Variants in CTNNA2 observed in about 807,000 individuals in gnomAD.
CTNNA2 encodes catenin alpha 2, also known as catenin alpha-2.
Under a neutral mutation model 101.0 loss-of-function variants are expected in CTNNA2, and 42 were observed. That is an observed-to-expected ratio of 0.42 (90% CI 0.32 to 0.54). The LOEUF (loss-of-function observed/expected upper bound fraction) is 0.54, where lower values mean the gene tolerates loss of function less well. CTNNA2 is among the 20% of genes least tolerant of loss of function. The pLI is 0.14. For missense variants in CTNNA2, 871 were observed against 1,223.1 expected, an observed-to-expected ratio of 0.71 and a Z score of 4.29; for synonymous variants, 450 against 456.4, an observed-to-expected ratio of 0.99 and a Z score of 0.18.
chr2:79,485,211 T>C (rs1226377008), intron 4 of CTNNA2, among the ~76,000 whole-genome samples: 3 of 148,602 alleles, frequency 2.0e-5, no homozygotes, highest in African/African-American at 7.4e-5. Context: ...AGGAATGCTT[T>C]TATACTAAGT....
At chr2:79,505,262 A>AT (rs1285432166) in intron 5 of CTNNA2, 1 of 151,796 alleles carries the variant, frequency 6.6e-6, no homozygotes, top group Non-Finnish European at 1.5e-5. Context: ...GGTTTTTTTC[A>AT]TTTTTTCTTC....
chr2:79,435,121 A>C (rs1484262307), intron 4 of CTNNA2, among the ~76,000 whole-genome samples: 3 of 152,100 alleles, frequency 2.0e-5, no homozygotes, highest in Admixed American at 2.0e-4. Context: ...GAGTCTTGGC[A>C]GACCGGGCCC....
At chr2:80,028,791 G>A (rs1695101672) in intron 7 of CTNNA2, among the ~76,000 whole-genome samples, 1 of 152,098 alleles carries the variant, frequency 6.6e-6, no homozygotes, top group Non-Finnish European at 1.5e-5. Flanking sequence ...AGAGGAAGTG[G>A]GCCAAGGGCC....
chr2:80,109,788 C>T (rs1026436943), intron 7 of CTNNA2, among the ~76,000 whole-genome samples: 1 of 152,122 alleles, frequency 6.6e-6, no homozygotes, highest in Non-Finnish European at 1.5e-5. Context: ...AGAGGCTGGC[C>T]AACTCCCAGG....
chr2:80,632,926 A>C (rs1672451088), intron 18 of CTNNA2, among the ~76,000 whole-genome samples: 1 of 152,226 alleles, frequency 6.6e-6, no homozygotes, highest in Non-Finnish European at 1.5e-5. Flanking sequence ...AATAAATAGA[A>C]ACTCAAAGAG....
intron 7 of CTNNA2, among the ~76,000 whole-genome samples, chr2:80,323,349 G>A (rs1194898146): frequency 6.6e-6 from 1 of 152,102 alleles, no homozygotes; most frequent in Non-Finnish European, 1.5e-5. Context: ...GAGAATCATC[G>A]CCAAGATCTC....
intron 3 of CTNNA2, among the ~76,000 whole-genome samples, chr2:79,824,037 G>A (rs1190497413): frequency 6.6e-6 from 1 of 152,148 alleles, no homozygotes; most frequent in Non-Finnish European, 1.5e-5. Flanking sequence ...AGAGGGAAAG[G>A]AAATGAGATG....
At position 79,858,009 on chromosome 2, in the gene CTNNA2, C is replaced by G. The variant is rs1681276094; in HGVS notation, c.299-4C>G. 6.2e-7 allele frequency: 1 copy of G among 1,610,020 alleles called. No individual in the cohort carries two copies. The highest frequency in any genetic ancestry group is 1.7e-5 in the Admixed American group (1 of 59,940). On this transcript the variant is annotated splice_polypyrimidine_tract_variant and splice_region_variant and intron_variant, in intron 3 of 18. Transcript: ENST00000402739. The stretch of plus-strand genomic sequence containing the variant: ...CCACCTGCCTCTCCGTGTCTGTCTT[C>G]CAGGTGAGACGATGCGGATCGCCTC...
chr2:79,207,021 G>A (rs1004851333), intron 2 of CTNNA2, among the ~76,000 whole-genome samples: 1 of 152,126 alleles, frequency 6.6e-6, no homozygotes, highest in African/African-American at 2.4e-5. Context: ...CCCAGTGGAG[G>A]TTCTGTTTCT....
chr2:79,385,477 A>G (rs1678088421), intron 4 of CTNNA2, among the ~76,000 whole-genome samples: 1 of 151,502 alleles, frequency 6.6e-6, no homozygotes, highest in African/African-American at 2.4e-5. Flanking sequence ...GCAGCTAGCA[A>G]ACAGGGTTAA....
At chr2:79,341,134 G>T (rs1002373854) in intron 3 of CTNNA2, among the ~76,000 whole-genome samples, 3 of 152,018 alleles carry the variant, frequency 2.0e-5, no homozygotes, top group African/African-American at 7.3e-5. Context: ...TCACACAACT[G>T]GTGAGTGAGT....
chr2:80,330,993 A>G (rs565061162), intron 7 of CTNNA2, among the ~76,000 whole-genome samples: 82 of 151,424 alleles, frequency 5.4e-4, no homozygotes, highest in African/African-American at 2.0e-3. Flanking sequence ...GCCTATTAGC[A>G]AATTCAGAGC....
intron 1 of CTNNA2, among the ~76,000 whole-genome samples, chr2:79,617,554 T>G (rs1398715826): frequency 1.3e-5 from 2 of 152,212 alleles, no homozygotes; most frequent in African/African-American, 2.4e-5. Context: ...TGTGATTCTG[T>G]TTAATATACA....
chr2:80,413,241 TTGG>T (rs780482448), intron 8 of CTNNA2, among the ~76,000 whole-genome samples: 1 of 152,120 alleles, frequency 6.6e-6, no homozygotes, highest in Non-Finnish European at 1.5e-5. Context: ...CTGAATGAAT[TTGG>T]TGGACAATGA....
chr2:80,144,704 C>T (rs556304513), intron 7 of CTNNA2, among the ~76,000 whole-genome samples: 1 of 152,304 alleles, frequency 6.6e-6, no homozygotes, highest in African/African-American at 2.4e-5. Flanking sequence ...TGTAGTTGAT[C>T]AACAGAGCTG....
intron 2 of CTNNA2, among the ~76,000 whole-genome samples, chr2:79,297,123 C>T (rs1418797894): frequency 6.6e-6 from 1 of 152,132 alleles, no homozygotes; most frequent in East Asian, 1.9e-4. Context: ...ATTCCTTATA[C>T]TCCTTGTTCT....
At chr2:80,389,368 G>A (rs1457681375) in intron 7 of CTNNA2, among the ~76,000 whole-genome samples, 1 of 152,040 alleles carries the variant, frequency 6.6e-6, no homozygotes, top group African/African-American at 2.4e-5. Flanking sequence ...GGATCATGGA[G>A]GCTAATAATA....
At chr2:80,060,946 T>A (rs1482289268) in intron 7 of CTNNA2, among the ~76,000 whole-genome samples, 1 of 152,124 alleles carries the variant, frequency 6.6e-6, no homozygotes, top group Non-Finnish European at 1.5e-5. Flanking sequence ...TACAGAGGCT[T>A]GCACAGCTCC....
chr2:79,451,271 C>A (rs1201799934), intron 4 of CTNNA2, among the ~76,000 whole-genome samples: 1 of 151,956 alleles, frequency 6.6e-6, no homozygotes, highest in Non-Finnish European at 1.5e-5. Flanking sequence ...CTTTTAGGAT[C>A]AAAACAAAAA....
Sources: gnomAD v4.1 joint callset for allele counts (sites outside exome capture counted in the v4.1 genomes callset) on GRCh38, gnomAD v4.1.1 for gene constraint, MANE v1.5 for transcripts, NCBI Gene and HGNC (gene_info 2026-07-23, HGNC 2026-07-21) for gene names.